Variants in PPTC7 observed in about 807,000 individuals in gnomAD.
The protein encoded by PPTC7 is protein phosphatase targeting COQ7.
Under a neutral mutation model 30.8 loss-of-function variants are expected in PPTC7, and 6 were observed. The observed-to-expected ratio is 0.19, with a 90% CI of 0.11 to 0.38. The LOEUF (loss-of-function observed/expected upper bound fraction) is 0.38, where lower values mean the gene tolerates loss of function less well. Among genes scored for constraint, PPTC7 ranks in the 10% least tolerant of loss-of-function variants. The pLI is 1.00. For missense variants in PPTC7, 218 were observed against 404.8 expected, an observed-to-expected ratio of 0.54 and a Z score of 3.96; for synonymous variants, 163 against 168.1, an observed-to-expected ratio of 0.97 and a Z score of 0.23.
chr12:110,542,891 G>C (rs1274913213), intron 3 of PPTC7, among the ~76,000 whole-genome samples: 1 of 152,084 alleles, frequency 6.6e-6, no homozygotes, highest in Non-Finnish European at 1.5e-5. Context: ...AAAACCCCGG[G>C]TGGGGAGAAA....
chr12:110,555,600 T>G (rs1031774472), intron 1 of PPTC7, among the ~76,000 whole-genome samples: 1 of 152,220 alleles, frequency 6.6e-6, no homozygotes, highest in Non-Finnish European at 1.5e-5. Flanking sequence ...ATCCATTTCA[T>G]AGTCCACTCG....
intron 1 of PPTC7, among the ~76,000 whole-genome samples, chr12:110,556,102 C>T (rs552582035): frequency 6.6e-5 from 10 of 152,346 alleles, no homozygotes; most frequent in Admixed American, 2.6e-4. Context: ...CCTCGATCCT[C>T]GCACTCACTA....
chr12:110,545,988 CT>C lies in PPTC7; in HGVS notation c.493del (p.Arg165GlyfsTer34). The C allele has an allele frequency of 6.2e-7, 1 of 1,614,226 alleles. No homozygotes were observed. Among genetic ancestry groups the C allele is most frequent in the Non-Finnish European group, 8.5e-7 (1 of 1,180,050 alleles). Reference protein sequence around the residue: ...NLGDSGFLVVRGGEVVHRSDE... With the variant: ...NLGDSGFLVVXGGEVVHRSDE... ...TGATCGGTGCACGACTTCACCACCCCTGACAACCAGGAAGCCTGAATCGCCC... is the reference window on the plus strand; with the variant it reads ...TGATCGGTGCACGACTTCACCACCCCGACAACCAGGAAGCCTGAATCGCCC... On this transcript the variant is annotated frameshift_variant, in exon 3 of 6. Coordinates refer to ENST00000354300, the MANE Select transcript of PPTC7 (RefSeq NM_139283.2). LOFTEE classifies it high-confidence loss of function.
rs2064216609 is a variant in PPTC7 at position 110,536,081 on chromosome 12, G to GC, written c.*955_*956insG. The stretch of plus-strand genomic sequence containing the variant: ...TAAAAGGTCTGAGAGTACGAGTATG[G>GC]GTAGGTAGCATGACCACTGAAAGCC... On this transcript the variant is annotated 3_prime_UTR_variant, in exon 6 of 6. Transcript: ENST00000354300. 1 of 152,220 alleles carries GC rather than the reference G, an allele frequency of 6.6e-6. No individual in the cohort carries two copies. Among genetic ancestry groups the GC allele is most frequent in the Non-Finnish European group, 1.5e-5 (1 of 68,054 alleles). The allele number at this position is 152,220 out of a possible 1,614,324, so 9.4% of individuals were successfully genotyped here. A position where few individuals can be genotyped will look rare whatever the true frequency, so the allele number is the denominator to read the frequency against.
chr12:110,572,956 C>T (rs915295290), intron 1 of PPTC7, among the ~76,000 whole-genome samples: 13 of 152,024 alleles, frequency 8.6e-5, no homozygotes, highest in Non-Finnish European at 1.0e-4. Flanking sequence ...CTCAGCTCAC[C>T]GCAACCTCCG....
chr12:110,540,634 G>C (rs1329084276), intron 3 of PPTC7, among the ~76,000 whole-genome samples: 1 of 151,954 alleles, frequency 6.6e-6, no homozygotes, highest in Non-Finnish European at 1.5e-5. Flanking sequence ...TTACAGGCAT[G>C]AGCCACTGTA....
chr12:110,559,221 G>A (rs998177374), intron 1 of PPTC7, among the ~76,000 whole-genome samples: 3 of 151,488 alleles, frequency 2.0e-5, no homozygotes, highest in South Asian at 2.1e-4. Flanking sequence ...GTAGAGATGC[G>A]GTCTCATTAT....
intron 3 of PPTC7, among the ~76,000 whole-genome samples, chr12:110,543,325 G>T (rs572252261): frequency 6.6e-6 from 1 of 151,756 alleles, no homozygotes; most frequent in Admixed American, 6.6e-5. Flanking sequence ...TACATATTTA[G>T]ATAATCAACA....
intron 1 of PPTC7, among the ~76,000 whole-genome samples, chr12:110,579,320 G>A (rs1425410021): frequency 6.6e-6 from 1 of 152,218 alleles, no homozygotes; most frequent in South Asian, 2.1e-4. Flanking sequence ...CAGTCCTGGA[G>A]AACCTGTCCT....
chr12:110,560,099 C>T (rs2064425945), intron 1 of PPTC7, among the ~76,000 whole-genome samples: 1 of 152,056 alleles, frequency 6.6e-6, no homozygotes, highest in African/African-American at 2.4e-5. Context: ...ATGGTATAAC[C>T]ATGTAAAATG....
intron 1 of PPTC7, among the ~76,000 whole-genome samples, chr12:110,575,702 T>C (rs1034263652): frequency 3.3e-5 from 5 of 150,796 alleles, no homozygotes; most frequent in African/African-American, 9.8e-5. Context: ...AATAAACAGT[T>C]ATGCTTCTAA....
chr12:110,552,252 A>T (rs559124575), intron 1 of PPTC7, among the ~76,000 whole-genome samples: 2 of 152,340 alleles, frequency 1.3e-5, no homozygotes, highest in Non-Finnish European at 2.9e-5. Flanking sequence ...CAGGATTAGC[A>T]TCTGTGTATA....
intron 3 of PPTC7, among the ~76,000 whole-genome samples, chr12:110,540,305 T>C (rs2064248191): frequency 6.9e-6 from 1 of 144,566 alleles, no homozygotes; most frequent in Non-Finnish European, 1.5e-5. Flanking sequence ...TACAGCCGAA[T>C]TCCATCCCCC....
At chr12:110,577,606 C>T (rs996104958) in intron 1 of PPTC7, among the ~76,000 whole-genome samples, 4 of 152,190 alleles carry the variant, frequency 2.6e-5, no homozygotes, top group Non-Finnish European at 4.4e-5. Context: ...AAGACAACTA[C>T]TTTTAAGACT....
chr12:110,546,124 C>T (rs1253778123), intron 2 of PPTC7, 46 bp from the exon 3 acceptor site: 1 of 1,520,174 alleles, frequency 6.6e-7, no homozygotes, highest in Admixed American at 1.8e-5. Context: ...CCTAGGCTGC[C>T]TTTGCACACA....
intron 1 of PPTC7, among the ~76,000 whole-genome samples, chr12:110,569,543 T>A (rs998436723): frequency 2.0e-5 from 3 of 151,878 alleles, no homozygotes; most frequent in Non-Finnish European, 4.4e-5. Flanking sequence ...CTCTCTAGAG[T>A]CCCTTTCTCG....
rs2064199885 is a variant in PPTC7, at chr12:110,534,151, T to G, written c.*2886A>C. On this transcript the variant is annotated 3_prime_UTR_variant, in exon 6 of 6. Transcript: ENST00000354300. The stretch of plus-strand genomic sequence containing the variant: ...TTTTTTTTTTTTGTGCGCAGGCAGC[T>G]TAAGTTCATAGGAAGAAATAAGGTT... The G allele has an allele frequency of 6.6e-6, 1 of 151,978 alleles. No individual in the cohort carries two copies. Among genetic ancestry groups the G allele is most frequent in the African/African-American group, 2.4e-5 (1 of 41,366 alleles). 9.4% of individuals were successfully genotyped at this position (151,978 alleles called of 1,614,324 possible). A position where few individuals can be genotyped will look rare whatever the true frequency, so the allele number is the denominator to read the frequency against.
At chr12:110,564,664 CTT>C (rs201858424) in intron 1 of PPTC7, among the ~76,000 whole-genome samples, 1 of 151,310 alleles carries the variant, frequency 6.6e-6, no homozygotes, top group Non-Finnish European at 1.5e-5. Flanking sequence ...ACAAATGTAA[CTT>C]TTTTTTTCCT....
chr12:110,571,447 T>C (rs1375681374), intron 1 of PPTC7, among the ~76,000 whole-genome samples: 1 of 151,946 alleles, frequency 6.6e-6, no homozygotes, highest in Non-Finnish European at 1.5e-5. Flanking sequence ...CAGAAGAAGA[T>C]AGCATTTCAG....
Sources: gnomAD v4.1 joint callset for allele counts (sites outside exome capture counted in the v4.1 genomes callset) on GRCh38, gnomAD v4.1.1 for gene constraint, MANE v1.5 for transcripts, NCBI Gene and HGNC (gene_info 2026-07-23, HGNC 2026-07-21) for gene names.